AMPD1: variants seen among roughly 807,000 people sequenced by gnomAD.
AMPD1 encodes AMP deaminase 1.
AMPD1 carries 74 observed loss-of-function variants against 82.9 expected under a neutral mutation model. The observed-to-expected ratio is 0.89, with a 90% confidence interval of 0.74 to 1.08. The LOEUF (loss-of-function observed/expected upper bound fraction) is 1.08, where lower values mean the gene tolerates loss of function less well. Among genes scored for constraint, AMPD1 ranks in the 50% least tolerant of loss-of-function variants. The probability of loss-of-function intolerance (pLI) is 0.00; values close to 1 mark genes in which losing one functional copy is unlikely to be tolerated. For missense variants in AMPD1, 881 were observed against 924.5 expected (o/e 0.95, Z 0.61); for synonymous variants, 333 against 320.5 (o/e 1.04, Z -0.42).
rs200377594 is a variant in AMPD1, at chr1:114,695,411, C to T, written c.22+39G>A. The T allele has an allele frequency of 2.9e-6, 4 of 1,393,356 alleles. No homozygotes were observed. The African/African-American group carries it at 6.3e-5, about 22-fold the overall frequency. 86.3% of individuals were successfully genotyped at this position (1,393,356 alleles called of 1,614,324 possible). A position where few individuals can be genotyped will look rare whatever the true frequency, so the allele number is the denominator to read the frequency against. ...GTTGCTTGTCAAAAAAAAAAAAAAA[C>T]AACAACAACTGAGCTCTCCAAACAC... On this transcript the variant is annotated intron_variant, in intron 1 of 15. Transcript: ENST00000520113.
intron 2 of AMPD1, 132 bp downstream of exon 2, chr1:114,693,304 T>C (rs897849224): frequency 5.5e-6 from 5 of 915,108 alleles, no homozygotes; most frequent in Admixed American, 3.6e-5. Context: ...TCATTATGAA[T>C]CTTTGTTGAC....
rs149727363 is a variant in AMPD1 at position 114,675,380 on chromosome 1, A to G, written c.1679+150T>C. On this transcript the variant is annotated intron_variant, in intron 12 of 15. Coordinates refer to ENST00000520113, the MANE Select transcript of AMPD1 (RefSeq NM_000036.3). Reference sequence around the variant, plus strand: ...TTTCTGCCCCAAAATAAATAAACTGAAGAAAAAAGTTAAGAGAAAGAAATT... The same window carrying G: ...TTTCTGCCCCAAAATAAATAAACTGGAGAAAAAAGTTAAGAGAAAGAAATT... 3.4e-5 allele frequency: 28 copies of G among 825,084 alleles called. No homozygotes were observed. The East Asian group carries it at 5.2e-4, about 15-fold the overall frequency. 51.1% of individuals were successfully genotyped at this position (825,084 alleles called of 1,614,324 possible). A position where few individuals can be genotyped will look rare whatever the true frequency, so the allele number is the denominator to read the frequency against.
Position 114,675,915 on chromosome 1 carries a change from G to A in AMPD1, c.1477C>T (p.Pro493Ser), listed in dbSNP as rs909006366. Residue 493 changes from proline (P) to serine (S), a missense_variant, in exon 11 of 16, where the codon CCC becomes TCC. Physicochemically the swap from Pro to Ser is moderately conservative, Grantham distance 74. Coordinates refer to ENST00000520113, the MANE Select transcript of AMPD1 (RefSeq NM_000036.3). The stretch of plus-strand genomic sequence containing the variant: ...ACACTGAGTTCTGGGTCAGCCTGGG[G>A]GTTGATGGTGGCCTCAAACACTGGC... ...FMPVFEATIN[P>S]QADPELSVFL... is the part of the protein sequence containing the mutation. 8.7e-6 allele frequency: 14 copies of A among 1,614,176 alleles called. No individual in the cohort carries two copies. The highest frequency in any genetic ancestry group is 1.1e-5 in the South Asian group (1 of 91,080).
intron 2 of AMPD1, among the ~76,000 whole-genome samples, chr1:114,689,947 C>G (rs2336363): frequency 7.9e-5 from 12 of 152,080 alleles, no homozygotes; most frequent in Non-Finnish European, 1.6e-4. Context: ...ACCTCTAATA[C>G]TTTTCCTGGT....
At chr1:114,684,065 G>T in intron 5 of AMPD1, 134 bp downstream of exon 5, 1 of 981,496 alleles carries the variant, frequency 1.0e-6, no homozygotes, top group Non-Finnish European at 1.5e-6. Context: ...GACACGTGAG[G>T]AAATGGGGCC....
rs149424604 is a variant in AMPD1 at position 114,680,439 on chromosome 1, C to A, written c.587G>T (p.Arg196Leu). 1.2e-6 allele frequency: 2 copies of A among 1,614,090 alleles called. No homozygotes were observed. The highest frequency in any genetic ancestry group is 3.3e-5 in the Admixed American group (2 of 60,008). ...CAGGTTTTCAGGAAGGTTGTCTGTT[C>A]GGAAGGGGTCCTCTCCCTTCTTCAC... Reference protein sequence around the residue: ...PPVKKGEDPFRTDNLPENLGY... With the variant: ...PPVKKGEDPFLTDNLPENLGY... The change falls in exon 6 of 16, where the codon CGA becomes CTA. Residue 196 changes from arginine (R) to leucine (L), a missense_variant. Physicochemically the swap from Arg to Leu is moderately radical, Grantham distance 102. This residue lies in a region of AMPD1 where 783 missense variants were observed against 786.4 expected (regional missense o/e 1.00). Coordinates refer to ENST00000520113, the MANE Select transcript of AMPD1 (RefSeq NM_000036.3).
chr1:114,690,049 T>C (rs1658467897), intron 2 of AMPD1, among the ~76,000 whole-genome samples: 1 of 152,172 alleles, frequency 6.6e-6, no homozygotes, highest in African/African-American at 2.4e-5. Flanking sequence ...CCCCACAGGA[T>C]GACAGAGCAA....
chr1:114,686,655 T>A, intron 4 of AMPD1, 90 bp downstream of exon 4: 1 of 1,418,590 alleles, frequency 7.0e-7, no homozygotes, highest in South Asian at 1.2e-5. Context: ...AATACCTCCC[T>A]CAACAGGAAA....
Position 114,695,466 on chromosome 1 carries a change from AG to A in AMPD1, c.5del (p.Pro2LeufsTer87), listed in dbSNP as rs557878856. 4.6e-4 allele frequency: 738 copies of A among 1,613,870 alleles called. 11 individuals are homozygous for A. In the South Asian group the frequency reaches 7.8e-3, roughly 17 times the overall value. M[P>X]LFKLPAEEKQ... ...TACACCTACCTGGGAGTTTGAACAG[AG>A]GCATTGTTGCTGAAATCCTTGATTC... On this transcript the variant is annotated frameshift_variant, in exon 1 of 16. Coordinates refer to ENST00000520113, the MANE Select transcript of AMPD1 (RefSeq NM_000036.3). LOFTEE classifies it high-confidence loss of function.
rs1161639285 is a variant in AMPD1 at position 114,679,703 on chromosome 1, G to A, written c.773C>T (p.Thr258Ile). 1.9e-6 allele frequency: 3 copies of A among 1,613,896 alleles called. No homozygotes were observed. Among genetic ancestry groups the A allele is most frequent in the Non-Finnish European group, 2.5e-6 (3 of 1,179,956 alleles). ...LALIAQGPVKTYTHRRLKFLS... is the reference protein window; with the variant it reads ...LALIAQGPVKIYTHRRLKFLS... ...GAACTTCAGGCGCCGGTGGGTATAGGTCTTACTGTGAAAAATAAAATCACA... is the reference window on the plus strand; with the variant it reads ...GAACTTCAGGCGCCGGTGGGTATAGATCTTACTGTGAAAAATAAAATCACA... Residue 258 changes from threonine to isoleucine, a missense_variant, in exon 7 of 16, where the codon ACC becomes ATC. Transcript: ENST00000520113.
chr1:114,678,242 T>A, intron 8 of AMPD1, 91 bp downstream of exon 8: 1 of 1,531,286 alleles, frequency 6.5e-7, no homozygotes, highest in Admixed American at 1.7e-5. Context: ...CCAAGATGGT[T>A]AAGAGACCTC....
chr1:114,675,332 T>A (rs1455131149), intron 12 of AMPD1, among the ~76,000 whole-genome samples, 198 bp downstream of exon 12: 1 of 152,138 alleles, frequency 6.6e-6, no homozygotes, highest in Non-Finnish European at 1.5e-5. Context: ...CTGTGAAAGT[T>A]ATTGAAAGCA....
intron 3 of AMPD1, among the ~76,000 whole-genome samples, chr1:114,687,726 G>A (rs894535260): frequency 1.3e-5 from 2 of 152,088 alleles, no homozygotes; most frequent in Admixed American, 6.5e-5. Context: ...AAGACTGCTC[G>A]GGGGAGGCAG....
intron 3 of AMPD1, 114 bp downstream of exon 3, chr1:114,688,447 G>T: frequency 7.9e-7 from 1 of 1,259,812 alleles, no homozygotes; most frequent in Non-Finnish European, 1.2e-6. Context: ...GCTAACTCTG[G>T]CAGAGTTCTT....
chr1:114,694,912 T>A (rs896897254), intron 1 of AMPD1, among the ~76,000 whole-genome samples: 1 of 152,232 alleles, frequency 6.6e-6, no homozygotes, highest in Non-Finnish European at 1.5e-5. Context: ...TCAAAACGAA[T>A]GTTTATTACT....
rs61757695 is a variant in AMPD1 at position 114,677,447 on chromosome 1, C to T, written c.1292G>A (p.Arg431His). 4.4e-5 allele frequency: 71 copies of T among 1,612,716 alleles called. No homozygotes were observed. The Admixed American group carries it at 4.8e-4, about 11-fold the overall frequency. Residue 431 changes from arginine (R) to histidine (H), a missense_variant, in exon 10 of 16, where the codon CGC (arginine) becomes CAC (histidine). This residue lies in a region of AMPD1 where 783 missense variants were observed against 786.4 expected (regional missense o/e 1.00). Coordinates refer to ENST00000520113, the MANE Select transcript of AMPD1 (RefSeq NM_000036.3). The stretch of plus-strand genomic sequence containing the variant: ...GAGTTTGCTCCACTCATCAGGACTG[C>T]GGCCATAGATGGACAGGCGGGGCTC... Reference protein sequence around the residue: ...HAEPRLSIYGRSPDEWSKLSS... With the variant: ...HAEPRLSIYGHSPDEWSKLSS...
intron 2 of AMPD1, chr1:114,689,006 C>A: frequency 1.5e-6 from 1 of 677,996 alleles, no homozygotes; most frequent in Non-Finnish European, 2.8e-6. Context: ...AAAGATGAGA[C>A]CGGGCTGTTG....
In AMPD1 at chr1:114,673,175, C is replaced by A. The variant is rs142643298; in HGVS notation, c.2183G>T (p.Arg728Leu). Residue 728 changes from arginine to leucine, a missense_variant, in exon 16 of 16, where the codon CGC (arginine) becomes CTC (leucine). Around this residue, in one of 2 missense-constraint regions of AMPD1, gnomAD observed 98 missense variants for 138.1 expected, o/e 0.71. Transcript: ENST00000520113. ...TNVAQIRMAY[R>L]YETWCYELNL... ...GAGTTCATAACACCAGGTTTCATAG[C>A]GATAGGCCATGCGGATTTGGGCTAC... 6.2e-7 allele frequency: 1 copy of A among 1,613,994 alleles called. No individual in the cohort carries two copies. Among genetic ancestry groups the A allele is most frequent in the Non-Finnish European group, 8.5e-7 (1 of 1,180,012 alleles).
At chr1:114,677,827 T>TTCCTTCCTTCCTTCCA in intron 9 of AMPD1, 83 bp downstream of exon 9, 1 of 1,175,226 alleles carries the variant, frequency 8.5e-7, no homozygotes, top group Non-Finnish European at 1.2e-6. Context: ...CCTTCCTTCC[T>TTCCTTCCTTCCTTCCA]TCCTTCCTTC....
Sources: gnomAD v4.1 joint callset for allele counts (sites outside exome capture counted in the v4.1 genomes callset) on GRCh38, gnomAD v4.1.1 for gene constraint, gnomAD v4.1.1 regional missense constraint, MANE v1.5 for transcripts, NCBI Gene and HGNC (gene_info 2026-07-23, HGNC 2026-07-21) for gene names.